The following DMD variants were observed in gnomAD, a reference collection of about 807,000 sequenced individuals.
DMD encodes the protein dystrophin.
A neutral mutation model predicts 330.1 loss-of-function variants in DMD; 63 were observed. That is an observed-to-expected ratio of 0.19 (90% CI 0.16 to 0.24). DMD has a LOEUF of 0.24. DMD is among the 10% of genes least tolerant of loss of function. The pLI is 1.00. For synonymous variants in DMD, 1,223 were observed against 959.8 expected, an observed-to-expected ratio of 1.27 and a Z score of -5.07; for missense variants, 3,344 against 2,684.1, an observed-to-expected ratio of 1.25 and a Z score of -5.43.
chrX:31,985,129 T>G (rs1346490310), intron 44 of DMD, among the ~76,000 whole-genome samples: 4 of 112,140 alleles, frequency 3.6e-5, no homozygotes, highest in Non-Finnish European at 7.5e-5. Flanking sequence ...AAAAGAGAAT[T>G]CATAAACATA....
At chrX:31,476,285 C>A (rs1196533790) in intron 59 of DMD, among the ~76,000 whole-genome samples, 1 of 105,215 alleles carries the variant, frequency 9.5e-6, no homozygotes, top group African/African-American at 3.5e-5. Flanking sequence ...GAGAGAACAG[C>A]ATTTGCAAAG....
intron 45 of DMD, among the ~76,000 whole-genome samples, chrX:31,939,871 C>A (rs779136083): frequency 5.3e-4 from 59 of 111,812 alleles, no homozygotes; most frequent in Non-Finnish European, 7.5e-4. Flanking sequence ...TACTGACAAA[C>A]TACCTTGACA....
chrX:31,502,541 T>G (rs897673107), intron 56 of DMD, among the ~76,000 whole-genome samples: 10 of 111,494 alleles, frequency 9.0e-5, no homozygotes, highest in African/African-American at 3.3e-4. Context: ...TTCTACAGAC[T>G]ATATAATGTC....
chrX:31,612,451 G>A lies in DMD; in HGVS notation c.8217+15222C>T, dbSNP rs376920224. 3.8e-4 allele frequency among the ~76,000 whole-genome samples: 43 copies of A among 111,936 alleles called. No homozygotes were observed. The East Asian group carries it at 5.6e-3, about 15-fold the overall frequency. On this transcript the variant is annotated intron_variant, in intron 55 of 78. Coordinates refer to ENST00000357033, the MANE Select transcript of DMD (RefSeq NM_004006.3). ...CATTCCTGGGTGAATGAAATAGACA[G>A]AGCCTGGAGGCCGGCATAGTGATGT... is the stretch of plus-strand genomic sequence containing the variant.
intron 41 of DMD, among the ~76,000 whole-genome samples, chrX:32,318,973 T>G (rs2097596368): frequency 9.0e-6 from 1 of 110,936 alleles, no homozygotes; most frequent in African/African-American, 3.3e-5. Flanking sequence ...TCTGACTTTC[T>G]ACACCATGAA....
chrX:32,191,616 A>C (rs1056359011), intron 44 of DMD, among the ~76,000 whole-genome samples: 6 of 111,355 alleles, frequency 5.4e-5, no homozygotes, highest in African/African-American at 2.0e-4. Flanking sequence ...GTCCCTCAGT[A>C]TCCATGGGGG....
intron 19 of DMD, among the ~76,000 whole-genome samples, chrX:32,492,973 T>C (rs1404015943): frequency 9.0e-6 from 1 of 111,584 alleles, no homozygotes; most frequent in Non-Finnish European, 1.9e-5. Context: ...CCTAAGATAA[T>C]CTACTTTTAT....
At chrX:32,773,516 A>ATT (rs35272633) in intron 7 of DMD, among the ~76,000 whole-genome samples, 3 of 90,284 alleles carry the variant, frequency 3.3e-5, no homozygotes, top group South Asian at 5.9e-4. Context: ...TATACTTTTT[A>ATT]TTTTTTTTTT....
At chrX:32,493,068 G>T (rs2043156639) in intron 19 of DMD, among the ~76,000 whole-genome samples, 1 of 111,852 alleles carries the variant, frequency 8.9e-6, no homozygotes, top group Non-Finnish European at 1.9e-5. Flanking sequence ...AACGTCTCTA[G>T]AAACATAAGG....
intron 1 of DMD, among the ~76,000 whole-genome samples, chrX:33,207,183 C>A (rs2148849642): frequency 9.0e-6 from 1 of 111,340 alleles, no homozygotes; most frequent in Admixed American, 9.6e-5. Flanking sequence ...AACGCTGGAG[C>A]CAAATGTATT....
At chrX:32,817,646 G>C (rs112134325) in intron 5 of DMD, among the ~76,000 whole-genome samples, 1,509 of 111,847 alleles carry the variant, frequency 0.013, 23 homozygotes, top group African/African-American at 0.046. Flanking sequence ...TTCTGGGAAG[G>C]TTAAGGTTCA....
At chrX:31,269,840 C>A (rs139370500) in intron 62 of DMD, among the ~76,000 whole-genome samples, 1,371 of 111,903 alleles carry the variant, frequency 0.012, 21 homozygotes, top group African/African-American at 0.043. Context: ...ATTCTCCCAT[C>A]CATCTCTATT....
At chrX:32,262,800 T>C (rs2097328639) in intron 43 of DMD, among the ~76,000 whole-genome samples, 1 of 111,824 alleles carries the variant, frequency 8.9e-6, no homozygotes. Flanking sequence ...AAGCTGGTAG[T>C]TGGGAGGCTC....
chrX:32,445,483 G>A (rs2098299658), intron 27 of DMD, among the ~76,000 whole-genome samples: 1 of 110,972 alleles, frequency 9.0e-6, no homozygotes, highest in South Asian at 3.7e-4. Context: ...TGTATAAATT[G>A]CTGAAGCAAC....
At chrX:31,602,300 A>G in intron 55 of DMD, among the ~76,000 whole-genome samples, 1 of 106,534 alleles carries the variant, frequency 9.4e-6, no homozygotes, top group South Asian at 4.1e-4. Context: ...TTTGAGGTCA[A>G]TTCACTGGCT....
At chrX:32,662,886 T>C (rs972869194) in intron 9 of DMD, among the ~76,000 whole-genome samples, 3 of 111,799 alleles carry the variant, frequency 2.7e-5, no homozygotes, top group Non-Finnish European at 5.7e-5. Flanking sequence ...ACTGTGGCAA[T>C]TTTCCTTGAG....
At chrX:32,652,917 G>C (rs947946468) in intron 9 of DMD, among the ~76,000 whole-genome samples, 3 of 112,193 alleles carry the variant, frequency 2.7e-5, no homozygotes, top group African/African-American at 9.7e-5. Flanking sequence ...GGCCAGTGAT[G>C]ATGAGCATTT....
chrX:32,844,593 T>C (rs1037911549), intron 4 of DMD, among the ~76,000 whole-genome samples, 190 bp downstream of exon 4: 1 of 111,615 alleles, frequency 9.0e-6, no homozygotes, highest in Admixed American at 9.5e-5. Flanking sequence ...TGTGGCAGCA[T>C]GCATTTGCTT....
At chrX:33,178,955 AG>A (rs1221528094) in intron 1 of DMD, among the ~76,000 whole-genome samples, 2 of 112,206 alleles carry the variant, frequency 1.8e-5, no homozygotes, top group African/African-American at 6.5e-5. Context: ...GCAGCCAGAT[AG>A]TGTTGTTTAT....
Sources: gnomAD v4.1 joint callset for allele counts (sites outside exome capture counted in the v4.1 genomes callset) on GRCh38, gnomAD v4.1.1 for gene constraint, MANE v1.5 for transcripts, NCBI Gene and HGNC (gene_info 2026-07-23, HGNC 2026-07-21) for gene names.